Variants in GSE1 observed in about 807,000 individuals in gnomAD.
GSE1 encodes the protein genetic suppressor element 1.
GSE1 carries 32 observed loss-of-function variants against 112.6 expected under a neutral mutation model. The ratio of observed to expected loss-of-function variants is 0.28; its 90% CI spans 0.21 to 0.38. The LOEUF is 0.38. GSE1 is among the 10% of genes least tolerant of loss of function. GSE1 has a pLI of 1.00. For synonymous variants in GSE1, 1,115 were observed against 735.6 expected (o/e 1.52, Z -8.35); for missense variants, 2,348 against 1,699.2 (o/e 1.38, Z -6.71).
chr16:85,568,511 T>C (rs908868681), intron 1 of GSE1, among the ~76,000 whole-genome samples: 2 of 152,198 alleles, frequency 1.3e-5, no homozygotes, highest in Non-Finnish European at 2.9e-5. Context: ...TGAAACTCCA[T>C]GGTAAATTAT....
chr16:85,426,290 G>A (rs185686818), intron 2 of GSE1, among the ~76,000 whole-genome samples: 2 of 149,114 alleles, frequency 1.3e-5, no homozygotes, highest in Admixed American at 1.3e-4. Flanking sequence ...TAGATGGGTG[G>A]GTGAATGGGA....
intron 4 of GSE1, 149 bp from the exon 5 acceptor site, chr16:85,654,645 C>T (rs2287986): frequency 5.5e-5 from 39 of 714,276 alleles, no homozygotes; most frequent in East Asian, 3.5e-4. Context: ...TCGCTCCCCC[C>T]GCTGCTTAAG....
chr16:85,474,249 G>C (rs933708468), intron 2 of GSE1, among the ~76,000 whole-genome samples: 1 of 152,020 alleles, frequency 6.6e-6, no homozygotes, highest in African/African-American at 2.4e-5. Context: ...AGGGAGAGCC[G>C]GCATCTCAGT....
At chr16:85,426,702 G>GTGGGTGGA (rs1555510174) in intron 2 of GSE1, among the ~76,000 whole-genome samples, 3 of 148,634 alleles carry the variant, frequency 2.0e-5, no homozygotes, top group South Asian at 2.2e-4. Context: ...AGATGGGTGG[G>GTGGGTGGA]TGGATGGATG....
At chr16:85,543,175 C>T (rs974255048) in intron 2 of GSE1, among the ~76,000 whole-genome samples, 1 of 149,388 alleles carries the variant, frequency 6.7e-6, no homozygotes, top group African/African-American at 2.5e-5. Context: ...TTGTGCCATG[C>T]ACTCCAGCCT....
chr16:85,178,153 G>T (rs1176371109), intron 1 of GSE1, among the ~76,000 whole-genome samples: 1 of 152,176 alleles, frequency 6.6e-6, no homozygotes, highest in Non-Finnish European at 1.5e-5. Context: ...GTCAGGGAAG[G>T]GTCTGCTGAG....
At chr16:85,626,589 C>T (rs1173763341) in intron 1 of GSE1, among the ~76,000 whole-genome samples, 1 of 152,208 alleles carries the variant, frequency 6.6e-6, no homozygotes. Flanking sequence ...GGCCCAGCCT[C>T]ACGGGGTGTA....
At chr16:85,296,176 G>A (rs925900299) in intron 1 of GSE1, among the ~76,000 whole-genome samples, 1 of 152,138 alleles carries the variant, frequency 6.6e-6, no homozygotes, top group Non-Finnish European at 1.5e-5. Flanking sequence ...CGAAAGGCAC[G>A]CTAGGGAAGG....
At chr16:85,627,501 T>G (rs537572146) in intron 1 of GSE1, among the ~76,000 whole-genome samples, 8 of 142,860 alleles carry the variant, frequency 5.6e-5, no homozygotes, top group South Asian at 2.3e-4. Context: ...TTCCTGGGGG[T>G]GGGGGTCAAG....
chr16:85,627,039 C>G (rs571702190), intron 1 of GSE1, among the ~76,000 whole-genome samples: 1 of 29,894 alleles, frequency 3.3e-5, no homozygotes, highest in Non-Finnish European at 6.3e-5. Flanking sequence ...TCCTTTTCTT[C>G]TTGCCTTTTT....
chr16:85,670,927 G>A (rs1021599607), intron 14 of GSE1, 68 bp from the exon 15 acceptor site: 2 of 956,970 alleles, frequency 2.1e-6, no homozygotes, highest in South Asian at 2.7e-5. Flanking sequence ...GGTGTGAAGA[G>A]GAGAGCACAA....
chr16:85,627,161 C>T (rs1230272302), intron 1 of GSE1, among the ~76,000 whole-genome samples: 33 of 101,158 alleles, frequency 3.3e-4, no homozygotes, highest in African/African-American at 1.2e-3. Context: ...TGCTTTGTTA[C>T]GGGGGGCGGG....
At chr16:85,515,239 GCCC>G (rs1567551850) in intron 2 of GSE1, among the ~76,000 whole-genome samples, 1 of 152,156 alleles carries the variant, frequency 6.6e-6, no homozygotes, top group African/African-American at 2.4e-5. Flanking sequence ...CCTCACCTCT[GCCC>G]CCATCCCCGT....
intron 2 of GSE1, among the ~76,000 whole-genome samples, chr16:85,520,271 C>G (rs2052136689): frequency 6.6e-6 from 1 of 152,086 alleles, no homozygotes; most frequent in Non-Finnish European, 1.5e-5. Context: ...CTCTCATGCC[C>G]TAATCACCTC....
chr16:85,368,246 A>G (rs1001427873), intron 2 of GSE1, among the ~76,000 whole-genome samples: 1 of 152,148 alleles, frequency 6.6e-6, no homozygotes, highest in African/African-American at 2.4e-5. Context: ...CAGAAGCTTC[A>G]TTCTCTCTCC....
In GSE1 at chr16:85,556,037, C is replaced by T. The variant is rs564322939; in HGVS notation, c.-290C>T. ...ACCCGGGCAGCCGTGGAGGCTCCGG[C>T]CCGTCCTTGGTCGTCAATTACCTCA... On this transcript the variant is annotated 5_prime_UTR_variant, in exon 1 of 3. Coordinates refer to the GSE1 transcript ENST00000635906. 3.8e-4 allele frequency: 375 copies of T among 985,076 alleles called. 1 individual carries two copies. The South Asian group carries it at 0.013, about 35-fold the overall frequency. 61.0% of individuals were successfully genotyped at this position (985,076 alleles called of 1,614,324 possible).
At chr16:85,468,313 T>C (rs996831243) in intron 2 of GSE1, among the ~76,000 whole-genome samples, 6 of 90,106 alleles carry the variant, frequency 6.7e-5, no homozygotes, top group African/African-American at 3.0e-4. Context: ...CCTTCTTTCC[T>C]TTTTTTTTTT....
At chr16:85,278,776 C>G (rs2144240570) in intron 1 of GSE1, 1 of 160,594 alleles carries the variant, frequency 6.2e-6, no homozygotes, top group Admixed American at 6.0e-5. Context: ...CAGCGACAAA[C>G]TTTTAGGTCA....
chr16:85,321,969 G>A (rs114547441), intron 1 of GSE1, among the ~76,000 whole-genome samples: 198 of 152,282 alleles, frequency 1.3e-3, no homozygotes, highest in African/African-American at 4.5e-3. Context: ...CCAGCTTCCT[G>A]ACCGCCAGGG....
Sources: gnomAD v4.1 joint callset for allele counts (sites outside exome capture counted in the v4.1 genomes callset) on GRCh38, gnomAD v4.1.1 for gene constraint, MANE v1.5 for transcripts, NCBI Gene and HGNC (gene_info 2026-07-23, HGNC 2026-07-21) for gene names.